The following SLC9A9 variants were observed in gnomAD, a reference collection of about 807,000 sequenced individuals.
SLC9A9 encodes solute carrier family 9 member A9, also known as sodium/hydrogen exchanger 9.
Under a neutral mutation model 77.8 loss-of-function variants are expected in SLC9A9, and 62 were observed. The observed-to-expected ratio is 0.80, with a 90% CI of 0.65 to 0.98. The LOEUF is 0.98. Ranked by LOEUF, SLC9A9 falls within the 50% of genes least tolerant of loss-of-function variation. The probability of loss-of-function intolerance (pLI) is 0.00; values close to 1 mark genes in which losing one functional copy is unlikely to be tolerated. For missense variants in SLC9A9, 775 were observed against 774.9 expected (o/e 1.00, Z 0.00); for synonymous variants, 320 against 283.5 (o/e 1.13, Z -1.29).
chr3:143,844,613 C>T (rs972455136), intron 1 of SLC9A9, among the ~76,000 whole-genome samples: 1 of 152,184 alleles, frequency 6.6e-6, no homozygotes, highest in Admixed American at 6.5e-5. Flanking sequence ...TATTTCATTA[C>T]AAGCATATGT....
At chr3:143,735,923 AT>A (rs990368834) in intron 4 of SLC9A9, among the ~76,000 whole-genome samples, 4 of 151,910 alleles carry the variant, frequency 2.6e-5, no homozygotes, top group South Asian at 4.1e-4. Flanking sequence ...CCATTTTCAG[AT>A]TTTTTTTCCA....
chr3:143,786,315 C>T (rs2008057038), intron 4 of SLC9A9, among the ~76,000 whole-genome samples: 1 of 152,158 alleles, frequency 6.6e-6, no homozygotes, highest in South Asian at 2.1e-4. Context: ...TTTTTTACCA[C>T]AACAATCTTA....
chr3:143,392,988 T>C (rs946267677), intron 12 of SLC9A9, among the ~76,000 whole-genome samples: 2 of 152,058 alleles, frequency 1.3e-5, no homozygotes, highest in Admixed American at 6.5e-5. Flanking sequence ...TCCCACACAA[T>C]AATAATGGGA....
chr3:143,688,500 A>G (rs923475899), intron 5 of SLC9A9, among the ~76,000 whole-genome samples: 1 of 152,146 alleles, frequency 6.6e-6, no homozygotes, highest in East Asian at 1.9e-4. Context: ...GAAAGCCAGA[A>G]TATCTACGTA....
intron 7 of SLC9A9, 64 bp downstream of exon 7, chr3:143,578,521 A>C: frequency 1.2e-6 from 2 of 1,611,806 alleles, no homozygotes; most frequent in Non-Finnish European, 1.7e-6. Flanking sequence ...CCATCATCAG[A>C]AATATTCCAT....
chr3:143,423,484 A>C (rs2108529537), intron 12 of SLC9A9, among the ~76,000 whole-genome samples: 1 of 152,342 alleles, frequency 6.6e-6, no homozygotes, highest in Middle Eastern at 3.4e-3. Flanking sequence ...AATTAACAAT[A>C]AAAAGGCTTT....
At chr3:143,735,060 C>T (rs1307446049) in intron 4 of SLC9A9, among the ~76,000 whole-genome samples, 3 of 152,146 alleles carry the variant, frequency 2.0e-5, no homozygotes, top group Non-Finnish European at 2.9e-5. Flanking sequence ...GAACACTTGC[C>T]GACTCCTCTG....
At chr3:143,405,520 T>A (rs2033958958) in intron 12 of SLC9A9, among the ~76,000 whole-genome samples, 1 of 152,194 alleles carries the variant, frequency 6.6e-6, no homozygotes, top group African/African-American at 2.4e-5. Context: ...GGCACCTCTG[T>A]CTATGAGTAG....
At chr3:143,391,975 T>C (rs752967861) in intron 12 of SLC9A9, among the ~76,000 whole-genome samples, 8 of 152,166 alleles carry the variant, frequency 5.3e-5, no homozygotes, top group Non-Finnish European at 8.8e-5. Context: ...CTACATCTGA[T>C]TGGTGTACCT....
At chr3:143,655,711 C>T in intron 5 of SLC9A9, 2 of 592,878 alleles carry the variant, frequency 3.4e-6, no homozygotes, top group Non-Finnish European at 4.3e-6. Context: ...CACACACACA[C>T]AAACACACCC....
intron 13 of SLC9A9, among the ~76,000 whole-genome samples, chr3:143,381,044 A>G (rs1158981533): frequency 2.0e-5 from 3 of 152,184 alleles, no homozygotes; most frequent in Admixed American, 2.0e-4. Context: ...AAATTTCCCT[A>G]CATTTTCTTA....
chr3:143,816,396 A>G (rs4839663), intron 2 of SLC9A9, among the ~76,000 whole-genome samples: 132,536 of 152,198 alleles, frequency 0.87, 58,760 homozygotes, highest in Middle Eastern at 0.96. Context: ...GTATATTTGT[A>G]TGTTTTAAAA....
At chr3:143,405,344 C>G (rs1260728923) in intron 12 of SLC9A9, among the ~76,000 whole-genome samples, 3 of 152,184 alleles carry the variant, frequency 2.0e-5, no homozygotes, top group Non-Finnish European at 4.4e-5. Context: ...CCCATTTTAC[C>G]TCTCTTGGAT....
intron 14 of SLC9A9, among the ~76,000 whole-genome samples, chr3:143,334,117 CTTG>C (rs776177206): frequency 4.6e-5 from 7 of 152,092 alleles, no homozygotes; most frequent in Non-Finnish European, 7.3e-5. Flanking sequence ...AATTGGAATT[CTTG>C]TTGTTTTTAA....
chr3:143,846,044 A>C (rs548564040), intron 1 of SLC9A9, among the ~76,000 whole-genome samples: 1 of 152,244 alleles, frequency 6.6e-6, no homozygotes, highest in Non-Finnish European at 1.5e-5. Context: ...TATTATTTCA[A>C]GCACAATTTA....
chr3:143,845,453 A>G (rs1360871578), intron 1 of SLC9A9, among the ~76,000 whole-genome samples: 2 of 152,238 alleles, frequency 1.3e-5, no homozygotes, highest in East Asian at 3.8e-4. Context: ...AACATTTAGG[A>G]CATCCCTGAA....
At chr3:143,469,713 G>T (rs2035344904) in intron 11 of SLC9A9, among the ~76,000 whole-genome samples, 1 of 152,130 alleles carries the variant, frequency 6.6e-6, no homozygotes. Context: ...AATATGTTTT[G>T]CCTGAAACAA....
intron 6 of SLC9A9, among the ~76,000 whole-genome samples, chr3:143,623,084 C>T (rs1244108963): frequency 1.3e-5 from 2 of 152,112 alleles, no homozygotes; most frequent in Non-Finnish European, 1.5e-5. Context: ...TATATGTGCA[C>T]CCAATATAGG....
intron 4 of SLC9A9, among the ~76,000 whole-genome samples, chr3:143,721,559 G>A (rs1464493325): frequency 6.6e-6 from 1 of 152,112 alleles, no homozygotes; most frequent in African/African-American, 2.4e-5. Flanking sequence ...ATCTGGAGGT[G>A]AGCCCTGATA....
Sources: gnomAD v4.1 joint callset for allele counts (sites outside exome capture counted in the v4.1 genomes callset) on GRCh38, gnomAD v4.1.1 for gene constraint, MANE v1.5 for transcripts, NCBI Gene and HGNC (gene_info 2026-07-23, HGNC 2026-07-21) for gene names.